Variants in CTNNA3 observed in about 807,000 individuals in gnomAD.
The protein encoded by CTNNA3 is catenin alpha 3.
A neutral mutation model predicts 95.7 loss-of-function variants in CTNNA3; 76 were observed. The observed-to-expected ratio is 0.79, with a 90% CI of 0.66 to 0.96. The LOEUF is 0.96. CTNNA3 is among the 40% of genes least tolerant of loss of function. CTNNA3 has a pLI of 0.00. For synonymous variants in CTNNA3, 431 were observed against 374.4 expected (o/e 1.15, Z -1.74); for missense variants, 1,191 against 1,089.8 (o/e 1.09, Z -1.31).
At chr10:66,902,152 G>A (rs10997437) in intron 7 of CTNNA3, among the ~76,000 whole-genome samples, 44,823 of 152,018 alleles carry the variant, frequency 0.29, 7,870 homozygotes, top group East Asian at 0.47. Flanking sequence ...CTCAGCAAAT[G>A]TAAAAGAACA....
rs572861547 is a variant in CTNNA3, at chr10:66,403,116, C to T, written c.1532-23764G>A. 5.3e-5 allele frequency among the ~76,000 whole-genome samples: 8 copies of T among 152,202 alleles called. No individual in the cohort carries two copies. The East Asian group carries it at 1.4e-3, about 26-fold the overall frequency. On this transcript the variant is annotated intron_variant, in intron 11 of 17. Coordinates refer to ENST00000433211, the MANE Select transcript of CTNNA3 (RefSeq NM_013266.4). Reference sequence around the variant, plus strand: ...TAGGCCTAAACCAATGTGTAACCTCCATGTATTATTTATGATTTTGCCTGT... The same window carrying T: ...TAGGCCTAAACCAATGTGTAACCTCTATGTATTATTTATGATTTTGCCTGT...
At position 66,984,538 on chromosome 10, in the gene CTNNA3, T is replaced by C. The variant is rs971521820; in HGVS notation, c.1047+195779A>G. The stretch of plus-strand genomic sequence containing the variant: ...TTGTCTCACAAACACAACAAAGCCA[T>C]GAGGATAGATTAAAAAATAAACTGC... On this transcript the variant is annotated intron_variant, in intron 7 of 17. Coordinates refer to ENST00000433211, the MANE Select transcript of CTNNA3 (RefSeq NM_013266.4). 1.6e-4 allele frequency among the ~76,000 whole-genome samples: 25 copies of C among 152,160 alleles called. 1 individual carries two copies.
At chr10:67,550,700 C>T (rs1840997552) in intron 3 of CTNNA3, among the ~76,000 whole-genome samples, 1 of 138,040 alleles carries the variant, frequency 7.2e-6, no homozygotes, top group Non-Finnish European at 1.5e-5. Context: ...TTTCTTTATT[C>T]ATAGAATAAA....
At chr10:67,641,101 A>C (rs1178916416) in intron 2 of CTNNA3, among the ~76,000 whole-genome samples, 1 of 152,212 alleles carries the variant, frequency 6.6e-6, no homozygotes. Context: ...TTTGCAATCT[A>C]GTCATCTGAC....
chr10:66,473,935 T>C (rs998947817), intron 11 of CTNNA3, among the ~76,000 whole-genome samples: 6 of 152,134 alleles, frequency 3.9e-5, no homozygotes, highest in African/African-American at 1.2e-4. Context: ...TTTGGGTTGG[T>C]TCCAAGTCTT....
chr10:67,205,777 A>G (rs1863868936), intron 6 of CTNNA3, among the ~76,000 whole-genome samples: 1 of 152,234 alleles, frequency 6.6e-6, no homozygotes, highest in African/African-American at 2.4e-5. Context: ...AGATCTTAAA[A>G]GAAGCAAAAT....
chr10:67,340,809 T>C (rs1343594164), intron 5 of CTNNA3, among the ~76,000 whole-genome samples: 2 of 152,212 alleles, frequency 1.3e-5, no homozygotes, highest in Admixed American at 6.5e-5. Context: ...GAATATAGTA[T>C]TACACTTTGA....
At chr10:66,978,655 G>T (rs753860321) in intron 7 of CTNNA3, among the ~76,000 whole-genome samples, 100 of 145,878 alleles carry the variant, frequency 6.9e-4, no homozygotes, top group Non-Finnish European at 1.3e-3. Flanking sequence ...GAAAAAAACA[G>T]AGCTGAAAGA....
intron 3 of CTNNA3, among the ~76,000 whole-genome samples, chr10:67,567,237 TAAG>T (rs1841837945): frequency 7.0e-6 from 1 of 143,472 alleles, no homozygotes; most frequent in Non-Finnish European, 1.5e-5. Context: ...ACAATAAAAA[TAAG>T]AAATGAGAAA....
chr10:66,194,154 C>T (rs1370595271), intron 13 of CTNNA3, among the ~76,000 whole-genome samples: 1 of 152,100 alleles, frequency 6.6e-6, no homozygotes, highest in African/African-American at 2.4e-5. Flanking sequence ...ACATGAATGA[C>T]CTGGGAGACA....
At chr10:66,607,157 C>T (rs925983535) in intron 10 of CTNNA3, among the ~76,000 whole-genome samples, 7 of 151,952 alleles carry the variant, frequency 4.6e-5, no homozygotes, top group Non-Finnish European at 1.0e-4. Context: ...ACCACCTCTA[C>T]GCACATAAAC....
intron 5 of CTNNA3, among the ~76,000 whole-genome samples, chr10:67,349,313 C>A (rs998348875): frequency 6.6e-6 from 1 of 151,874 alleles, no homozygotes; most frequent in Non-Finnish European, 1.5e-5. Flanking sequence ...AAATGTCCAT[C>A]AACAAATGAA....
At chr10:66,389,724 G>GGAGA (rs3980751) in intron 11 of CTNNA3, among the ~76,000 whole-genome samples, 302 of 145,500 alleles carry the variant, frequency 2.1e-3, no homozygotes, top group Non-Finnish European at 3.2e-3. Flanking sequence ...ATATATATAT[G>GGAGA]GAGAGAGAGA....
chr10:66,028,042 G>T (rs1381321004), intron 15 of CTNNA3, among the ~76,000 whole-genome samples: 1 of 152,128 alleles, frequency 6.6e-6, no homozygotes, highest in Non-Finnish European at 1.5e-5. Context: ...CCCCAAGTCT[G>T]CCTTTCTTTT....
At chr10:67,013,060 T>C (rs1332705249) in intron 7 of CTNNA3, 1 of 152,180 alleles carries the variant, frequency 6.6e-6, no homozygotes, top group African/African-American at 2.4e-5. Flanking sequence ...TTATACATAT[T>C]ATTATATTAC....
intron 7 of CTNNA3, among the ~76,000 whole-genome samples, chr10:66,804,640 T>G (rs1259767587): frequency 6.6e-6 from 1 of 152,074 alleles, no homozygotes; most frequent in Non-Finnish European, 1.5e-5. Context: ...GGGTACTGAC[T>G]AGATGAACGT....
chr10:66,925,982 T>C (rs762155436), intron 7 of CTNNA3: 1 of 456,724 alleles, frequency 2.2e-6, no homozygotes, highest in South Asian at 1.5e-5. Flanking sequence ...GCCCATAATG[T>C]TCTTCACCAC....
chr10:67,394,891 A>T (rs1844658705), intron 5 of CTNNA3, among the ~76,000 whole-genome samples: 2 of 152,278 alleles, frequency 1.3e-5, no homozygotes, highest in South Asian at 2.1e-4. Context: ...AATATAAATC[A>T]AAAATTCTAT....
intron 13 of CTNNA3, among the ~76,000 whole-genome samples, chr10:66,225,406 T>G (rs1260351761): frequency 1.4e-5 from 2 of 146,202 alleles, no homozygotes; most frequent in Non-Finnish European, 1.5e-5. Context: ...TATATATATA[T>G]ATATATATAT....
Sources: gnomAD v4.1 joint callset for allele counts (sites outside exome capture counted in the v4.1 genomes callset) on GRCh38, gnomAD v4.1.1 for gene constraint, MANE v1.5 for transcripts, NCBI Gene and HGNC (gene_info 2026-07-23, HGNC 2026-07-21) for gene names.